TANC1: variants seen among roughly 807,000 people sequenced by gnomAD.
TANC1 encodes the protein tetratricopeptide repeat, ankyrin repeat and coiled-coil containing 1, also known as protein TANC1.
TANC1 carries 77 observed loss-of-function variants against 149.7 expected under a neutral mutation model. The observed-to-expected ratio is 0.51, with a 90% CI of 0.43 to 0.62. The LOEUF (loss-of-function observed/expected upper bound fraction) is 0.62, where lower values mean the gene tolerates loss of function less well. Ranked by LOEUF, TANC1 falls within the 20% of genes least tolerant of loss-of-function variation. The pLI is 0.00. For missense variants in TANC1, 1,985 were observed against 2,321.8 expected (o/e 0.85, Z 2.98); for synonymous variants, 854 against 925.0 (o/e 0.92, Z 1.39).
intron 19 of TANC1, among the ~76,000 whole-genome samples, chr2:159,214,798 C>A (rs1409435914): frequency 1.3e-5 from 2 of 152,214 alleles, no homozygotes. Flanking sequence ...GTGCTGTCTG[C>A]TGCAAACATA....
intron 2 of TANC1, among the ~76,000 whole-genome samples, chr2:159,045,536 C>T (rs1480986798): frequency 6.6e-6 from 1 of 152,126 alleles, no homozygotes; most frequent in Non-Finnish European, 1.5e-5. Context: ...TTCAGTGATG[C>T]ATACAAAGAG....
chr2:158,981,969 C>G (rs2034438247), intron 1 of TANC1, among the ~76,000 whole-genome samples: 1 of 152,088 alleles, frequency 6.6e-6, no homozygotes, highest in Admixed American at 6.6e-5. Context: ...CTTAGAAACC[C>G]AGACAAGCAA....
rs760258345 is a variant in TANC1 at position 159,230,415 on chromosome 2, A to G, written c.4989A>G (p.Ser1663=). Residue 1663 remains serine, a synonymous_variant, in exon 27 of 27, where the codon TCA becomes TCG. Transcript: ENST00000263635. This position sits in a 1 kb window ranked among gnomAD's most constrained non-coding sequence, Gnocchi z 4.4. ...GACACCCAGCTTCCCTCACCAGCTC[A>G]GGCTCTTCTGGTTCTCCATCCAGCA... is the stretch of plus-strand genomic sequence containing the variant. ...DVRHPASLTS[S]GSSGSPSSSI... 1 of 1,614,174 alleles carries G rather than the reference A, an allele frequency of 6.2e-7. No individual in the cohort carries two copies. The highest frequency in any genetic ancestry group is 8.5e-7 in the Non-Finnish European group (1 of 1,180,034).
intron 2 of TANC1, chr2:159,004,064 A>G: frequency 1.2e-6 from 2 of 1,612,286 alleles, no homozygotes; most frequent in South Asian, 2.2e-5. Flanking sequence ...ACAATCCCAA[A>G]GTCCAAGCTT....
Position 159,130,663 on chromosome 2 carries a change from G to C in TANC1, c.260-5531G>C, listed in dbSNP as rs539918587. Among the ~76,000 whole-genome samples the C allele has an allele frequency of 2.0e-5, 3 of 152,264 alleles. No individual in the cohort carries two copies. In the East Asian group the frequency reaches 5.8e-4, roughly 29 times the overall value. ...ATGTCCCTTGTGCCAGTATCCTTTT[G>C]TGTAATAGAAACAGTATTGCTTTTC... On this transcript the variant is annotated intron_variant, in intron 4 of 26. Coordinates refer to ENST00000263635, the MANE Select transcript of TANC1 (RefSeq NM_033394.3).
At chr2:159,022,287 G>C (rs2038891270) in intron 2 of TANC1, among the ~76,000 whole-genome samples, 1 of 152,164 alleles carries the variant, frequency 6.6e-6, no homozygotes, top group Non-Finnish European at 1.5e-5. Context: ...GAAGCCCTCT[G>C]AGCAGTTCAG....
chr2:159,138,370 G>A (rs2050995160), intron 5 of TANC1, among the ~76,000 whole-genome samples: 1 of 152,202 alleles, frequency 6.6e-6, no homozygotes, highest in South Asian at 2.1e-4. Flanking sequence ...CTTTCTCTTG[G>A]TTGATGAGGA....
chr2:159,136,835 C>CATTTTATA (rs1353897877), intron 5 of TANC1, among the ~76,000 whole-genome samples: 25 of 139,874 alleles, frequency 1.8e-4, no homozygotes, highest in African/African-American at 6.6e-4. Flanking sequence ...TTTTTAAAGA[C>CATTTTATA]ATTTTATATG....
At chr2:159,066,258 A>G (rs1384506352) in intron 3 of TANC1, among the ~76,000 whole-genome samples, 1 of 152,076 alleles carries the variant, frequency 6.6e-6, no homozygotes, top group Non-Finnish European at 1.5e-5. Context: ...AAAAAATTTT[A>G]AAAAATTATC....
At chr2:159,033,609 C>T (rs536887245) in intron 2 of TANC1, among the ~76,000 whole-genome samples, 1 of 152,312 alleles carries the variant, frequency 6.6e-6, no homozygotes, top group African/African-American at 2.4e-5. Context: ...GCCATCCAGA[C>T]TCAACAGCCT....
chr2:159,020,380 C>G (rs2149423330), intron 2 of TANC1, among the ~76,000 whole-genome samples: 1 of 152,292 alleles, frequency 6.6e-6, no homozygotes, highest in South Asian at 2.1e-4. Context: ...TCCCGAAGTG[C>G]TGGGATTACA....
intron 11 of TANC1, among the ~76,000 whole-genome samples, chr2:159,172,966 G>A (rs1420176514): frequency 6.6e-6 from 1 of 152,134 alleles, no homozygotes; most frequent in Non-Finnish European, 1.5e-5. Context: ...GAGCTGAACC[G>A]AATCTTGCCC....
At chr2:159,008,847 G>A (rs746122797) in intron 2 of TANC1, among the ~76,000 whole-genome samples, 1 of 151,970 alleles carries the variant, frequency 6.6e-6, no homozygotes, top group Non-Finnish European at 1.5e-5. Flanking sequence ...TGCTCAACTG[G>A]GGAGAGTCCT....
At chr2:159,004,205 C>G (rs1218813459) in intron 2 of TANC1, 3 of 1,612,288 alleles carry the variant, frequency 1.9e-6, no homozygotes, top group African/African-American at 1.3e-5. Context: ...CTGAACAGTT[C>G]CCACGGCAAG....
At chr2:159,126,419 C>T (rs2049461899) in intron 4 of TANC1, among the ~76,000 whole-genome samples, 1 of 152,196 alleles carries the variant, frequency 6.6e-6, no homozygotes, top group East Asian at 1.9e-4. Context: ...GGGTCACACA[C>T]AGGCAGAGTG....
At chr2:159,201,526 G>A (rs12623032) in intron 19 of TANC1, among the ~76,000 whole-genome samples, 33,419 of 152,078 alleles carry the variant, frequency 0.22, 4,586 homozygotes, top group East Asian at 0.44. Flanking sequence ...ATTGTTGCTC[G>A]TTGCTATAGG....
intron 3 of TANC1, among the ~76,000 whole-genome samples, chr2:159,095,476 T>C (rs1281194070): frequency 2.0e-5 from 3 of 152,074 alleles, no homozygotes; most frequent in Admixed American, 2.0e-4. Flanking sequence ...CTGTGGCTCA[T>C]GCCTGTAATC....
At chr2:158,971,869 G>T (rs1359836829) in intron 1 of TANC1, among the ~76,000 whole-genome samples, 1 of 152,188 alleles carries the variant, frequency 6.6e-6, no homozygotes, top group Non-Finnish European at 1.5e-5. Context: ...TCTATAAATA[G>T]TTGAGTTGAA....
At chr2:159,181,835 T>G (rs2056516101) in intron 14 of TANC1, among the ~76,000 whole-genome samples, 1 of 152,202 alleles carries the variant, frequency 6.6e-6, no homozygotes, top group Non-Finnish European at 1.5e-5. Flanking sequence ...CTCTCTTCTT[T>G]CCTTTCTTCT....
Sources: allele counts gnomAD v4.1 joint callset (sites outside exome capture counted in the v4.1 genomes callset), GRCh38; gene constraint gnomAD v4.1.1; non-coding constraint Gnocchi (gnomAD v3.1); transcripts MANE v1.5; gene names NCBI Gene and HGNC (gene_info 2026-07-23, HGNC 2026-07-21).